The following MLIP variants were observed in gnomAD, a reference collection of about 807,000 sequenced individuals.
The protein encoded by MLIP is muscular LMNA interacting protein.
MLIP carries 79 observed loss-of-function variants against 84.8 expected under a neutral mutation model. That is an observed-to-expected ratio of 0.93 (90% confidence interval 0.78 to 1.12). The LOEUF (loss-of-function observed/expected upper bound fraction) is 1.12. MLIP is among the 50% of genes most tolerant of loss of function. The probability of loss-of-function intolerance (pLI) is 0.00; values close to 1 mark genes in which losing one functional copy is unlikely to be tolerated. For synonymous variants in MLIP, 504 were observed against 463.0 expected (o/e 1.09, Z -1.14); for missense variants, 1,257 against 1,160.6 (o/e 1.08, Z -1.21).
chr6:54,137,247 G>GC lies in MLIP; in HGVS notation c.1180dup (p.Gln394ProfsTer5). The GC allele has an allele frequency of 1.3e-6, 2 of 1,535,990 alleles. 1 individual carries two copies. The highest frequency in any genetic ancestry group is 2.4e-5 in the South Asian group (2 of 84,028). On this transcript the variant is annotated frameshift_variant, in exon 4 of 14. Coordinates refer to ENST00000502396, the MANE Select transcript of MLIP (RefSeq NM_001281747.2). LOFTEE classifies it high-confidence loss of function. ...CACGGCTCTTCTTCCACCATCTGCA[G>GC]CCAAATGTCATCTAGTGGAAATCTT...
At chr6:54,110,829 T>C (rs1769397257), upstream of MLIP, among the ~76,000 whole-genome samples, 1 of 152,226 alleles carries the variant, frequency 6.6e-6, no homozygotes, top group Non-Finnish European at 1.5e-5. Flanking sequence ...CTCACTGTCT[T>C]CCAGGAACCT....
At chr6:54,113,635 C>T (rs528798580) in intron 1 of MLIP, among the ~76,000 whole-genome samples, 1 of 152,320 alleles carries the variant, frequency 6.6e-6, no homozygotes, top group South Asian at 2.1e-4. Context: ...CCTTGATCTT[C>T]ACAAGCTCAG....
At chr6:54,119,401 C>A (rs1349664658) in intron 1 of MLIP, among the ~76,000 whole-genome samples, 2 of 152,112 alleles carry the variant, frequency 1.3e-5, no homozygotes, top group Non-Finnish European at 2.9e-5. Context: ...CACAGATGAA[C>A]ATGGATGTTA....
chr6:54,042,803 G>A (rs537942037), intron 1 of MLIP, among the ~76,000 whole-genome samples: 1 of 152,204 alleles, frequency 6.6e-6, no homozygotes, highest in African/African-American at 2.4e-5. Flanking sequence ...CATCAGTTGA[G>A]TAACGTATGT....
At chr6:54,222,372 T>C (rs1780276475) in intron 11 of MLIP, among the ~76,000 whole-genome samples, 1 of 152,016 alleles carries the variant, frequency 6.6e-6, no homozygotes, top group African/African-American at 2.4e-5. Context: ...GTGACCCATT[T>C]TCCCCTCCCC....
Position 54,230,870 on chromosome 6 carries a change from G to T in MLIP, c.2875G>T (p.Glu959Ter). ...TCATCTGTCCTTCTCCTTGAGTGAT[G>T]AACAGGAGAATTCTCACACCCTCCT... ...FSHLSFSLSD[E>*]QENSHTLLSH... The change falls in exon 12 of 14, where the codon GAA (glutamate) becomes TAA (stop). Residue 959 changes from glutamate to a stop codon, truncating the protein, a stop_gained. Coordinates refer to ENST00000502396, the MANE Select transcript of MLIP (RefSeq NM_001281747.2). LOFTEE classifies it high-confidence loss of function. 1.2e-6 allele frequency: 2 copies of T among 1,613,962 alleles called. No homozygotes were observed. Among genetic ancestry groups the T allele is most frequent in the Non-Finnish European group, 1.7e-6 (2 of 1,179,964 alleles).
At position 54,136,860 on chromosome 6, in the gene MLIP, T is replaced by A. The variant is rs1561967779; in HGVS notation, c.791T>A (p.Leu264Gln). Residue 264 changes from leucine (L) to glutamine (Q), a missense_variant, in exon 4 of 14, where the codon CTG becomes CAG. Transcript: ENST00000502396. ...CTAGAGGAGTTCCACACTAGGAGGC[T>A]GGATGTCGGTGGGGCCGTGGTGGAA... ...SVLEEFHTRR[L>Q]DVGGAVVEES... 20 of 1,535,232 alleles carry A rather than the reference T, an allele frequency of 1.3e-5. No homozygotes were observed. Among genetic ancestry groups the A allele is most frequent in the Non-Finnish European group, 1.3e-5 (15 of 1,146,138 alleles).
At chr6:54,230,635 G>A in intron 11 of MLIP, 79 bp from the exon 12 acceptor site, 1 of 1,292,254 alleles carries the variant, frequency 7.7e-7, no homozygotes, top group Non-Finnish European at 1.1e-6. Flanking sequence ...TCTGACCTAT[G>A]TCTATCGTAG....
At chr6:54,180,552 A>G (rs977952851) in intron 9 of MLIP, among the ~76,000 whole-genome samples, 1 of 152,086 alleles carries the variant, frequency 6.6e-6, no homozygotes, top group Non-Finnish European at 1.5e-5. Context: ...CTGACTTTGC[A>G]CATTTTCAAA....
intron 1 of MLIP, among the ~76,000 whole-genome samples, chr6:54,056,001 TA>T (rs1485163146): frequency 6.6e-6 from 1 of 152,180 alleles, no homozygotes; most frequent in South Asian, 2.1e-4. Flanking sequence ...CATATTTATA[TA>T]TTTTTTTAAT....
chr6:54,263,402 G>A (rs1298960904), intron 13 of MLIP, among the ~76,000 whole-genome samples: 1 of 151,662 alleles, frequency 6.6e-6, no homozygotes, highest in Non-Finnish European at 1.5e-5. Flanking sequence ...AAAGTCAATA[G>A]TTACATAAAT....
chr6:54,054,685 C>G (rs1385964275), intron 1 of MLIP, among the ~76,000 whole-genome samples: 2 of 152,114 alleles, frequency 1.3e-5, no homozygotes. Flanking sequence ...GTAAGTAGAA[C>G]GTTGCATTAT....
intron 1 of MLIP, among the ~76,000 whole-genome samples, chr6:54,086,231 A>G (rs1767478480): frequency 6.6e-6 from 1 of 152,064 alleles, no homozygotes; most frequent in Admixed American, 6.6e-5. Context: ...TAACTTCCAC[A>G]TTTACATCTC....
chr6:54,124,531 C>G lies in MLIP; in HGVS notation c.311C>G (p.Ala104Gly). The change falls in exon 3 of 14, where the codon GCG (alanine) becomes GGG (glycine). Residue 104 changes from alanine (A) to glycine (G), a missense_variant. Physicochemically the swap from Ala to Gly is moderately conservative, Grantham distance 60. Coordinates refer to ENST00000502396, the MANE Select transcript of MLIP (RefSeq NM_001281747.2). ...NAGSQQERDQAKLTCPSEVSG... is the reference protein window; with the variant it reads ...NAGSQQERDQGKLTCPSEVSG... ...GGGAGCCAACAAGAGAGAGACCAAG[C>G]GAAATTGACTTGTCCTTCAGAGGTC... 6.2e-7 allele frequency: 1 copy of G among 1,614,108 alleles called. No individual in the cohort carries two copies. Among genetic ancestry groups the G allele is most frequent in the Non-Finnish European group, 8.5e-7 (1 of 1,180,000 alleles).
At chr6:54,069,855 G>A (rs1344614980) in intron 1 of MLIP, among the ~76,000 whole-genome samples, 2 of 99,882 alleles carry the variant, frequency 2.0e-5, no homozygotes, top group African/African-American at 5.1e-5. Flanking sequence ...CACAAGACAA[G>A]CTTAAACTAT....
At position 54,114,743 on chromosome 6, in the gene MLIP, A is replaced by G. The variant is rs113862861; in HGVS notation, c.96+3168A>G. On this transcript the variant is annotated intron_variant, in intron 1 of 13. Transcript: ENST00000502396. ...TCCATGAGGGTAGGGATTTTTGTTCACTGTTATGGCACCAACCCCTAGAAT... is the reference window on the plus strand; with the variant it reads ...TCCATGAGGGTAGGGATTTTTGTTCGCTGTTATGGCACCAACCCCTAGAAT... Among the ~76,000 whole-genome samples, 284 of 152,308 alleles carry G rather than the reference A, an allele frequency of 1.9e-3. 4 individuals are homozygous for G. Among genetic ancestry groups the G allele is most frequent in the African/African-American group, 6.4e-3 (266 of 41,580 alleles).
chr6:54,206,375 G>T (rs900506558), intron 11 of MLIP, among the ~76,000 whole-genome samples: 3 of 152,020 alleles, frequency 2.0e-5, no homozygotes, highest in African/African-American at 7.2e-5. Context: ...TAGAATTAAA[G>T]GGAGAATATT....
intron 3 of MLIP, among the ~76,000 whole-genome samples, chr6:54,131,625 A>C (rs921640445): frequency 1.3e-5 from 2 of 152,132 alleles, no homozygotes; most frequent in Non-Finnish European, 2.9e-5. Context: ...AAGAAATAAG[A>C]AACTCAGTGC....
At chr6:54,223,722 C>T (rs2792654) in intron 11 of MLIP, among the ~76,000 whole-genome samples, 148,587 of 152,150 alleles carry the variant, frequency 0.98, 72,650 homozygotes, top group East Asian at 1. Flanking sequence ...TATTGTCTTT[C>T]TGGCTTGCAT....
Sources: gnomAD v4.1 joint callset for allele counts (sites outside exome capture counted in the v4.1 genomes callset) on GRCh38, gnomAD v4.1.1 for gene constraint, MANE v1.5 for transcripts, NCBI Gene and HGNC (gene_info 2026-07-23, HGNC 2026-07-21) for gene names.